CNNM1: variants seen among roughly 807,000 people sequenced by gnomAD.
The protein encoded by CNNM1 is metal transporter CNNM1.
In CNNM1, 44 loss-of-function variants were observed where a neutral mutation model predicts 78.8. The ratio of observed to expected loss-of-function variants is 0.56; its 90% confidence interval spans 0.44 to 0.72. The LOEUF is 0.72. Ranked by LOEUF, CNNM1 falls within the 30% of genes least tolerant of loss-of-function variation. The probability of loss-of-function intolerance (pLI) is 0.00; values close to 1 mark genes in which losing one functional copy is unlikely to be tolerated. For missense variants in CNNM1, 1,101 were observed against 1,292.2 expected, an observed-to-expected ratio of 0.85 and a Z score of 2.27; for synonymous variants, 584 against 581.5, an observed-to-expected ratio of 1.00 and a Z score of -0.06.
At chr10:99,334,379 G>A (rs894992945) in intron 1 of CNNM1, among the ~76,000 whole-genome samples, 3 of 152,186 alleles carry the variant, frequency 2.0e-5, no homozygotes, top group Middle Eastern at 3.2e-3. Flanking sequence ...TTGGCTGGGC[G>A]CAGTGGCTCA....
At position 99,356,486 on chromosome 10, in the gene CNNM1, AAGAGAGAGAG is replaced by A. The variant is rs60050038; in HGVS notation, c.1574-1010_1574-1001del. On this transcript the variant is annotated intron_variant, in intron 1 of 10. Coordinates refer to ENST00000356713, the MANE Select transcript of CNNM1 (RefSeq NM_020348.3). ...AGAGACTCCATCTCAGAAAGAAAGA[AAGAGAGAGAG>A]AGAGAGAGAGAGAGAAAGAGAAAGA... Among the ~76,000 whole-genome samples the A allele has an allele frequency of 5.8e-5, 8 of 137,000 alleles. 1 individual carries two copies. The highest frequency in any genetic ancestry group is 2.3e-4 in the South Asian group (1 of 4,292). 89.9% of individuals were successfully genotyped at this position (137,000 alleles called of 152,430 possible). A position where few individuals can be genotyped will look rare whatever the true frequency, so the allele number is the denominator to read the frequency against.
intron 9 of CNNM1, 93 bp from the exon 10 acceptor site, chr10:99,390,213 C>T: frequency 1.1e-6 from 1 of 908,652 alleles, no homozygotes; most frequent in Admixed American, 2.1e-5. Flanking sequence ...TTAAACTTCA[C>T]TTGCTGAGGG....
intron 6 of CNNM1, among the ~76,000 whole-genome samples, chr10:99,372,484 A>G (rs1347136673): frequency 6.6e-6 from 1 of 152,156 alleles, no homozygotes; most frequent in Non-Finnish European, 1.5e-5. Context: ...TTGGTGTCAC[A>G]TATCATACTG....
chr10:99,365,406 T>A (rs1184315508), intron 6 of CNNM1, among the ~76,000 whole-genome samples: 1 of 152,214 alleles, frequency 6.6e-6, no homozygotes, highest in Non-Finnish European at 1.5e-5. Flanking sequence ...TCTGTGGGGT[T>A]TGTCCTCAGT....
rs1280389852 is a variant in CNNM1, at chr10:99,364,508, C to T, written c.2120C>T (p.Ala707Val). The T allele has an allele frequency of 1.2e-6, 2 of 1,609,672 alleles. No individual in the cohort carries two copies. The highest frequency in any genetic ancestry group is 2.7e-5 in the African/African-American group (2 of 74,804). Residue 707 changes from alanine (A) to valine (V), a missense_variant, in exon 5 of 11, where the codon GCT becomes GTT. Physicochemically the swap from Ala to Val is moderately conservative, Grantham distance 64. Coordinates refer to ENST00000356713, the MANE Select transcript of CNNM1 (RefSeq NM_020348.3). Reference sequence around the variant, plus strand: ...GGCGTCCCAGCCATCATGACCACTGCTTGCTCAGGTATTCTAGTTTCCATT... The same window carrying T: ...GGCGTCCCAGCCATCATGACCACTGTTTGCTCAGGTATTCTAGTTTCCATT... Reference protein sequence around the residue: ...YYGVPAIMTTACSDNDVRKVG... With the variant: ...YYGVPAIMTTVCSDNDVRKVG...
chr10:99,351,882 G>A (rs2134034374), intron 1 of CNNM1, among the ~76,000 whole-genome samples: 1 of 152,190 alleles, frequency 6.6e-6, no homozygotes, highest in East Asian at 1.9e-4. Flanking sequence ...TTGTGTTGCA[G>A]GTTGTAACTT....
Position 99,387,953 on chromosome 10 carries a change from C to G in CNNM1, c.2474C>G (p.Pro825Arg). The G allele has an allele frequency of 2.5e-6, 4 of 1,606,966 alleles. No individual in the cohort carries two copies. Among genetic ancestry groups the G allele is most frequent in the Non-Finnish European group, 3.4e-6 (4 of 1,177,024 alleles). ...APTTRGTPQT[P>R]KDDPAITLLN... is the part of the protein sequence containing the mutation. ...ACAACCCGGGGCACACCCCAGACCC[C>G]TAAGGATGACCCCGCCATCACGCTC... is the stretch of plus-strand genomic sequence containing the variant. Residue 825 changes from proline to arginine, a missense_variant, in exon 8 of 11, where the codon CCT becomes CGT. Pro to Arg is a moderately radical substitution (Grantham distance 103). This residue lies in a region of CNNM1 where 348 missense variants were observed against 384.5 expected (regional missense o/e 0.90). Transcript: ENST00000356713.
rs182737430 is a variant in CNNM1 at position 99,347,285 on chromosome 10, C to T, written c.1574-10227C>T. The stretch of plus-strand genomic sequence containing the variant: ...CCTGTAATACCAGCACTTTGGGAGG[C>T]GGAGGCAGGTGGATCACGAGGTCAG... On this transcript the variant is annotated intron_variant, in intron 1 of 10. Coordinates refer to ENST00000356713, the MANE Select transcript of CNNM1 (RefSeq NM_020348.3). Among the ~76,000 whole-genome samples, 875 of 152,044 alleles carry T rather than the reference C, an allele frequency of 5.8e-3. 9 individuals are homozygous for T. Among genetic ancestry groups the T allele is most frequent in the African/African-American group, 0.02 (813 of 41,490 alleles).
At position 99,330,656 on chromosome 10, in the gene CNNM1, G is replaced by T. The variant is rs1850595361; in HGVS notation, c.1269G>T (p.Glu423Asp). The T allele has an allele frequency of 6.2e-7, 1 of 1,613,866 alleles. No homozygotes were observed. Among genetic ancestry groups the T allele is most frequent in the African/African-American group, 1.3e-5 (1 of 74,920 alleles). ...EELNIIQGAL[E>D]LRTKVVEEVL... ...TCAACATCATACAGGGTGCCCTGGA[G>T]CTGCGCACCAAAGTTGTGGAGGAGG... The change falls in exon 1 of 11, where the codon GAG becomes GAT. Residue 423 changes from glutamate (E) to aspartate (D), a missense_variant. Around this residue, in one of 3 missense-constraint regions of CNNM1, gnomAD observed 277 missense variants for 423.2 expected, o/e 0.65. Transcript: ENST00000356713.
In CNNM1 at chr10:99,392,533, C is replaced by T. The variant is rs11598504; in HGVS notation, c.*1017C>T. ...TTTTCATGCATTTGTCCTTCTCCCA[C>T]CCCCTTACTACACCCTAGCAGATCA... On this transcript the variant is annotated 3_prime_UTR_variant, in exon 11 of 11. Coordinates refer to ENST00000356713, the MANE Select transcript of CNNM1 (RefSeq NM_020348.3). 2,535 of 152,628 alleles carry T rather than the reference C, an allele frequency of 0.017. 43 individuals are homozygous for T. Among genetic ancestry groups the T allele is most frequent in the Non-Finnish European group, 0.025 (1,679 of 68,030 alleles). The allele number at this position is 152,628 out of a possible 1,614,324, so 9.5% of individuals were successfully genotyped here.
chr10:99,362,192 T>C, intron 3 of CNNM1, 35 bp from the exon 4 acceptor site: 1 of 1,568,646 alleles, frequency 6.4e-7, no homozygotes, highest in Non-Finnish European at 8.6e-7. Context: ...ACACAGCTGA[T>C]GCTGATTCCT....
intron 9 of CNNM1, among the ~76,000 whole-genome samples, chr10:99,389,491 T>C (rs947355231): frequency 1.3e-5 from 2 of 151,708 alleles, no homozygotes; most frequent in Admixed American, 1.3e-4. Flanking sequence ...CCAGAAAATC[T>C]GGGACATACA....
rs1191434521 is a variant in CNNM1 at position 99,364,405 on chromosome 10, T to C, written c.2029-12T>C. ...ACACATTCATAGTACACTTCCTTTT[T>C]TTTTTTTCCAGGGTAAAGTGGAGGT... On this transcript the variant is annotated splice_polypyrimidine_tract_variant and intron_variant, in intron 4 of 10. Transcript: ENST00000356713. 2 of 1,600,664 alleles carry C rather than the reference T, an allele frequency of 1.2e-6. No individual in the cohort carries two copies. The highest frequency in any genetic ancestry group is 8.5e-7 in the Non-Finnish European group (1 of 1,173,136).
intron 7 of CNNM1, among the ~76,000 whole-genome samples, chr10:99,384,230 C>G (rs2032241350): frequency 6.6e-6 from 1 of 152,158 alleles, no homozygotes; most frequent in South Asian, 2.1e-4. Flanking sequence ...ATACCCGAAC[C>G]TAGAAATGCC....
intron 1 of CNNM1, among the ~76,000 whole-genome samples, chr10:99,346,770 G>C (rs986219321): frequency 2.0e-5 from 3 of 152,074 alleles, no homozygotes; most frequent in Non-Finnish European, 4.4e-5. Flanking sequence ...ACCATGCCCA[G>C]CTAATATTTT....
At position 99,330,000 on chromosome 10, in the gene CNNM1, C is replaced by A; in HGVS notation, c.613C>A (p.Leu205Met). Residue 205 changes from leucine to methionine, a missense_variant, in exon 1 of 11, where the codon CTG becomes ATG. Physicochemically the swap from Leu to Met is conservative, Grantham distance 15 (BLOSUM62 2). Around this residue, in one of 3 missense-constraint regions of CNNM1, gnomAD observed 476 missense variants for 484.5 expected, o/e 0.98. Transcript: ENST00000356713. ...CCACGGCGCCGCCGGCGGCTTCCTG[C>A]TGCGCGTTCGCCCGCGGTTGTACGG... The part of the protein sequence containing the change: ...HHHGAAGGFL[L>M]RVRPRLYGPG... 7.1e-7 allele frequency: 1 copy of A among 1,404,848 alleles called. No homozygotes were observed. The highest frequency in any genetic ancestry group is 9.2e-7 in the Non-Finnish European group (1 of 1,091,478). 87.0% of individuals were successfully genotyped at this position (1,404,848 alleles called of 1,614,324 possible). A position where few individuals can be genotyped will look rare whatever the true frequency, so the allele number is the denominator to read the frequency against.
chr10:99,331,063 A>G (rs2029892270), intron 1 of CNNM1, 103 bp downstream of exon 1: 4 of 1,181,826 alleles, frequency 3.4e-6, no homozygotes, highest in Non-Finnish European at 4.7e-6. Context: ...TTTCTCTCCT[A>G]TGGTACTAAA....
chr10:99,365,130 A>G, intron 6 of CNNM1, 128 bp downstream of exon 6: 1 of 903,292 alleles, frequency 1.1e-6, no homozygotes, highest in South Asian at 1.4e-5. Context: ...CCCCTTTGTA[A>G]TGTTCTGCCA....
At chr10:99,331,173 A>G (rs1049084458) in intron 1 of CNNM1, among the ~76,000 whole-genome samples, 3 of 151,860 alleles carry the variant, frequency 2.0e-5, no homozygotes, top group Non-Finnish European at 4.4e-5. Context: ...TTTCCTCTCT[A>G]CTTGATTCAC....
Sources: gnomAD v4.1 joint callset for allele counts (sites outside exome capture counted in the v4.1 genomes callset) on GRCh38, gnomAD v4.1.1 for gene constraint, gnomAD v4.1.1 regional missense constraint, MANE v1.5 for transcripts, NCBI Gene and HGNC (gene_info 2026-07-23, HGNC 2026-07-21) for gene names.